The following TUT7 variants were observed in gnomAD, a reference collection of about 807,000 sequenced individuals.
TUT7 encodes terminal uridylyltransferase 7.
In TUT7, 33 loss-of-function variants were observed where a neutral mutation model predicts 165.9. That is an observed-to-expected ratio of 0.20 (90% CI 0.15 to 0.27). The LOEUF is 0.27. TUT7 is among the 10% of genes least tolerant of loss of function. TUT7 has a pLI of 1.00. For missense variants in TUT7, 1,338 were observed against 1,762.3 expected, an observed-to-expected ratio of 0.76 and a Z score of 4.31; for synonymous variants, 552 against 608.1, an observed-to-expected ratio of 0.91 and a Z score of 1.36.
intron 26 of TUT7, among the ~76,000 whole-genome samples, chr9:86,298,323 G>A (rs1826545671): frequency 6.6e-6 from 1 of 152,212 alleles, no homozygotes; most frequent in Admixed American, 6.5e-5. Flanking sequence ...AGGGAGGGGA[G>A]AGGCTGGATA....
intron 2 of TUT7, among the ~76,000 whole-genome samples, chr9:86,348,742 A>G (rs1054224443): frequency 3.9e-5 from 6 of 151,998 alleles, no homozygotes; most frequent in Admixed American, 3.3e-4. Flanking sequence ...ACAGAGTGAG[A>G]CTCTGTCTAA....
chr9:86,294,383 A>T (rs1316618543), intron 26 of TUT7, among the ~76,000 whole-genome samples: 1 of 152,110 alleles, frequency 6.6e-6, no homozygotes, highest in African/African-American at 2.4e-5. Context: ...TAGCTTTCAT[A>T]AAATTACATT....
intron 26 of TUT7, among the ~76,000 whole-genome samples, chr9:86,289,696 T>C (rs1329150415): frequency 1.3e-5 from 2 of 150,868 alleles, no homozygotes; most frequent in African/African-American, 4.9e-5. Flanking sequence ...AGGTAATATA[T>C]AAAATAGAAA....
chr9:86,332,212 C>G (rs369546913), intron 10 of TUT7, among the ~76,000 whole-genome samples: 1 of 152,162 alleles, frequency 6.6e-6, no homozygotes, highest in Non-Finnish European at 1.5e-5. Flanking sequence ...AAATACAGAT[C>G]ATTCTACCAT....
chr9:86,302,884 C>T (rs1177862196), intron 25 of TUT7, among the ~76,000 whole-genome samples: 1 of 152,238 alleles, frequency 6.6e-6, no homozygotes, highest in East Asian at 1.9e-4. Flanking sequence ...GCTGGGATTA[C>T]AGGCGTGAAC....
At chr9:86,329,523 CAAAA>C (rs56393103) in intron 10 of TUT7, among the ~76,000 whole-genome samples, 1 of 132,658 alleles carries the variant, frequency 7.5e-6, no homozygotes, top group African/African-American at 2.8e-5. Flanking sequence ...AACTCCATCT[CAAAA>C]AAAAAAAAAC....
chr9:86,293,535 G>C (rs925189783), intron 26 of TUT7, among the ~76,000 whole-genome samples: 3 of 152,078 alleles, frequency 2.0e-5, no homozygotes, highest in African/African-American at 7.2e-5. Context: ...AATTCAAGCA[G>C]GTGTAAAATG....
At chr9:86,296,448 A>C (rs972900077) in intron 26 of TUT7, among the ~76,000 whole-genome samples, 1 of 152,084 alleles carries the variant, frequency 6.6e-6, no homozygotes, top group African/African-American at 2.4e-5. Flanking sequence ...ATAGAGGGGG[A>C]GGGAGGTAAC....
chr9:86,295,681 G>GA (rs1564021520), intron 26 of TUT7, among the ~76,000 whole-genome samples: 19 of 151,912 alleles, frequency 1.3e-4, no homozygotes. Flanking sequence ...ACTGGTTTTC[G>GA]TTTTTTAAAA....
chr9:86,301,190 A>C, intron 26 of TUT7, 86 bp downstream of exon 26: 1 of 1,192,892 alleles, frequency 8.4e-7, no homozygotes, highest in Non-Finnish European at 1.2e-6. Flanking sequence ...AAAGAAATAA[A>C]GATAACTAAA....
chr9:86,337,103 C>T (rs141208999), intron 10 of TUT7: 210 of 187,122 alleles, frequency 1.1e-3, no homozygotes, highest in African/African-American at 4.6e-3. Context: ...GAAAACTGTA[C>T]CCAAAGAAAG....
At chr9:86,340,527 A>G (rs868838786) in intron 7 of TUT7, among the ~76,000 whole-genome samples, 9 of 152,226 alleles carry the variant, frequency 5.9e-5, no homozygotes, top group Non-Finnish European at 1.2e-4. Context: ...ACACAGTTTC[A>G]TAAGGACTAT....
intron 26 of TUT7, among the ~76,000 whole-genome samples, chr9:86,289,469 G>A (rs1011796339): frequency 2.6e-5 from 4 of 152,182 alleles, no homozygotes; most frequent in Admixed American, 6.5e-5. Flanking sequence ...AAAGGAGGTA[G>A]TTTCCCTCCT....
intron 10 of TUT7, among the ~76,000 whole-genome samples, chr9:86,329,198 G>A (rs760073997): frequency 2.0e-5 from 3 of 152,128 alleles, no homozygotes; most frequent in Non-Finnish European, 2.9e-5. Flanking sequence ...TTTCTTCATC[G>A]TATGATAGGA....
At position 86,288,404 on chromosome 9, in the gene TUT7, C is replaced by T. The variant is rs1381733008; in HGVS notation, c.*273G>A. On this transcript the variant is annotated 3_prime_UTR_variant, in exon 27 of 27. Transcript: ENST00000375963. Reference sequence around the variant, plus strand: ...GAAACTGTATTCACTGAATACCGGTCCATAGTTATATTTTTTCTTTTAACG... The same window carrying T: ...GAAACTGTATTCACTGAATACCGGTTCATAGTTATATTTTTTCTTTTAACG... The T allele has an allele frequency of 8.5e-6, 2 of 234,978 alleles. No homozygotes were observed. Among genetic ancestry groups the T allele is most frequent in the Non-Finnish European group, 1.6e-5 (2 of 122,148 alleles). 14.6% of individuals were successfully genotyped at this position (234,978 alleles called of 1,614,324 possible). A position where few individuals can be genotyped will look rare whatever the true frequency, so the allele number is the denominator to read the frequency against.
intron 16 of TUT7, among the ~76,000 whole-genome samples, chr9:86,318,597 G>A (rs1170808530): frequency 6.6e-6 from 1 of 152,192 alleles, no homozygotes. Context: ...GTACTCTTAT[G>A]ATTTACCACA....
chr9:86,320,910 T>C (rs1668893299), intron 14 of TUT7, among the ~76,000 whole-genome samples: 1 of 152,190 alleles, frequency 6.6e-6, no homozygotes, highest in Non-Finnish European at 1.5e-5. Flanking sequence ...GGCCATGCAT[T>C]TTTGTAGCAA....
At chr9:86,329,204 T>C (rs945602094) in intron 10 of TUT7, among the ~76,000 whole-genome samples, 9 of 152,164 alleles carry the variant, frequency 5.9e-5, no homozygotes, top group East Asian at 3.9e-4. Context: ...CATCGTATGA[T>C]AGGATTTATC....
intron 17 of TUT7, among the ~76,000 whole-genome samples, chr9:86,316,141 C>T (rs572347771): frequency 3.9e-5 from 6 of 152,286 alleles, no homozygotes; most frequent in South Asian, 2.1e-4. Context: ...TGCTGAACTA[C>T]ATTTTAAAAG....
Sources: allele counts gnomAD v4.1 joint callset (sites outside exome capture counted in the v4.1 genomes callset), GRCh38; gene constraint gnomAD v4.1.1; transcripts MANE v1.5; gene names NCBI Gene and HGNC (gene_info 2026-07-23, HGNC 2026-07-21).